RERG: variants seen among roughly 807,000 people sequenced by gnomAD.
RERG encodes the protein ras-related and estrogen-regulated growth inhibitor.
Under a neutral mutation model 23.2 loss-of-function variants are expected in RERG, and 25 were observed. The observed-to-expected ratio is 1.08, with a 90% confidence interval of 0.79 to 1.50. The LOEUF (loss-of-function observed/expected upper bound fraction) is 1.50. RERG is among the 40% of genes most tolerant of loss of function. RERG has a pLI of 0.00. For missense variants in RERG, 253 were observed against 250.1 expected (o/e 1.01, Z -0.08); for synonymous variants, 81 against 89.1 (o/e 0.91, Z 0.51).
At chr12:15,161,183 A>AAAGAAAGAAAGAAAGG (rs1864604308) in intron 2 of RERG, among the ~76,000 whole-genome samples, 3 of 148,752 alleles carry the variant, frequency 2.0e-5, no homozygotes, top group Admixed American at 1.4e-4. Context: ...AGAAAGAAAG[A>AAAGAAAGAAAGAAAGG]AAGAAAGAAA....
chr12:15,175,331 C>CTGTGTGTG (rs1231946873), intron 2 of RERG, among the ~76,000 whole-genome samples: 2 of 109,374 alleles, frequency 1.8e-5, no homozygotes, highest in Middle Eastern at 4.5e-3. Flanking sequence ...TACTCTCAGG[C>CTGTGTGTG]TCTGTGTGTG....
At chr12:15,209,284 T>A (rs1030489692) in intron 2 of RERG, among the ~76,000 whole-genome samples, 1 of 152,330 alleles carries the variant, frequency 6.6e-6, no homozygotes, top group Non-Finnish European at 1.5e-5. Context: ...GTGCCATAAT[T>A]TCATTTTGTC....
intron 2 of RERG, among the ~76,000 whole-genome samples, chr12:15,209,461 T>C (rs1865337331): frequency 6.6e-6 from 1 of 152,194 alleles, no homozygotes; most frequent in Admixed American, 6.5e-5. Flanking sequence ...ATGTAGGCTA[T>C]TTATATAACA....
intron 2 of RERG, among the ~76,000 whole-genome samples, chr12:15,195,541 G>A (rs1865131234): frequency 6.7e-6 from 1 of 149,108 alleles, no homozygotes; most frequent in Non-Finnish European, 1.5e-5. Context: ...TTAAGGCACA[G>A]CAAGCTTGGC....
intron 3 of RERG, among the ~76,000 whole-genome samples, chr12:15,111,686 CTTTT>C (rs11296760): frequency 3.1e-5 from 4 of 127,968 alleles, no homozygotes; most frequent in Admixed American, 7.9e-5. Context: ...CTATACTTTC[CTTTT>C]TTTTTTTTTT....
chr12:15,185,776 T>A (rs1241726586), intron 2 of RERG, among the ~76,000 whole-genome samples: 3 of 151,876 alleles, frequency 2.0e-5, no homozygotes, highest in African/African-American at 7.2e-5. Context: ...CTCAGTGACA[T>A]GCAATTTACC....
chr12:15,149,872 C>T (rs1481777537), intron 2 of RERG, among the ~76,000 whole-genome samples: 2 of 152,216 alleles, frequency 1.3e-5, no homozygotes, highest in South Asian at 2.1e-4. Flanking sequence ...CCACCATCCT[C>T]GTTTCGTGAC....
At chr12:15,204,630 T>A (rs941500477) in intron 2 of RERG, among the ~76,000 whole-genome samples, 1 of 151,774 alleles carries the variant, frequency 6.6e-6, no homozygotes, top group African/African-American at 2.4e-5. Flanking sequence ...TCCCACTGAA[T>A]TTACAGTATT....
At chr12:15,152,893 T>C (rs572551542) in intron 2 of RERG, among the ~76,000 whole-genome samples, 1 of 152,316 alleles carries the variant, frequency 6.6e-6, no homozygotes, top group South Asian at 2.1e-4. Context: ...TTTTTACTTA[T>C]ATTAAATTCT....
chr12:15,217,161 G>T, intron 2 of RERG: 1 of 362,108 alleles, frequency 2.8e-6, no homozygotes, highest in East Asian at 4.5e-5. Context: ...TTCTTTGGAG[G>T]TTGTTAAAAA....
chr12:15,182,704 A>C (rs1368612922), intron 2 of RERG, among the ~76,000 whole-genome samples: 1 of 152,186 alleles, frequency 6.6e-6, no homozygotes, highest in African/African-American at 2.4e-5. Context: ...TAAACTGTTC[A>C]TCTTTATATT....
chr12:15,172,554 G>A lies in RERG; in HGVS notation c.61+44875C>T, dbSNP rs573450120. On this transcript the variant is annotated intron_variant, in intron 2 of 4. Coordinates refer to ENST00000256953, the MANE Select transcript of RERG (RefSeq NM_032918.3). The stretch of plus-strand genomic sequence containing the variant: ...TTTACATTTTTAGGAGCTGCCAAAC[G>A]GTTTTCCAAAATAGCTACACTATTT... 2.6e-5 allele frequency among the ~76,000 whole-genome samples: 4 copies of A among 152,028 alleles called. No individual in the cohort carries two copies. The East Asian group carries it at 5.8e-4, about 22-fold the overall frequency.
intron 2 of RERG, among the ~76,000 whole-genome samples, chr12:15,163,154 A>C (rs1864638134): frequency 6.6e-6 from 1 of 152,234 alleles, no homozygotes; most frequent in Admixed American, 6.5e-5. Context: ...CAATGCCAGA[A>C]GCACTACACA....
At chr12:15,173,482 C>T (rs778008771) in intron 2 of RERG, among the ~76,000 whole-genome samples, 6 of 151,820 alleles carry the variant, frequency 4.0e-5, no homozygotes, top group East Asian at 1.9e-4. Context: ...ATTTTAAGAT[C>T]GGCTTGTGAA....
At chr12:15,172,727 G>A (rs1055920142) in intron 2 of RERG, among the ~76,000 whole-genome samples, 1 of 151,984 alleles carries the variant, frequency 6.6e-6, no homozygotes, top group African/African-American at 2.4e-5. Context: ...TTCCCTAATG[G>A]CTAATCAATG....
At chr12:15,188,640 T>C (rs1865026100) in intron 2 of RERG, among the ~76,000 whole-genome samples, 1 of 152,228 alleles carries the variant, frequency 6.6e-6, no homozygotes, top group South Asian at 2.1e-4. Context: ...AAAAATTAAG[T>C]GTATCTAGCA....
intron 2 of RERG, among the ~76,000 whole-genome samples, chr12:15,190,088 G>C (rs750667191): frequency 1.6e-4 from 25 of 152,110 alleles, no homozygotes; most frequent in Non-Finnish European, 2.6e-4. Flanking sequence ...GTTCAATTCT[G>C]TAAGAATTAA....
At chr12:15,166,584 G>T (rs1428883931) in intron 2 of RERG, among the ~76,000 whole-genome samples, 1 of 151,014 alleles carries the variant, frequency 6.6e-6, no homozygotes, top group South Asian at 2.1e-4. Context: ...GTGGTGGTAG[G>T]GGTGGTGCCA....
chr12:15,109,588 A>G lies in RERG; in HGVS notation c.193-71T>C, dbSNP rs1863566895. The G allele has an allele frequency of 4.9e-6, 6 of 1,213,132 alleles. No individual in the cohort carries two copies. In the South Asian group the frequency reaches 6.1e-5, roughly 12 times the overall value. The allele number at this position is 1,213,132 out of a possible 1,614,324, so 75.1% of individuals were successfully genotyped here. ...AAATATATGGATGCTGGTAATGCTG[A>G]CAGTAATGCCTTAATTACTATTCTT... On this transcript the variant is annotated intron_variant, in intron 4 of 4. Coordinates refer to ENST00000256953, the MANE Select transcript of RERG (RefSeq NM_032918.3).
Sources: allele counts gnomAD v4.1 joint callset (sites outside exome capture counted in the v4.1 genomes callset), GRCh38; gene constraint gnomAD v4.1.1; transcripts MANE v1.5; gene names NCBI Gene and HGNC (gene_info 2026-07-23, HGNC 2026-07-21).